Variants in CKAP5 observed in about 807,000 individuals in gnomAD.
The protein encoded by CKAP5 is cytoskeleton-associated protein 5.
In CKAP5, 27 loss-of-function variants were observed where a neutral mutation model predicts 232.8. The ratio of observed to expected loss-of-function variants is 0.12; its 90% CI spans 0.09 to 0.16. CKAP5 has a LOEUF of 0.16. Among genes scored for constraint, CKAP5 ranks in the 10% least tolerant of loss-of-function variants. The pLI is 1.00. For synonymous variants in CKAP5, 785 were observed against 841.1 expected, an observed-to-expected ratio of 0.93 and a Z score of 1.16; for missense variants, 1,838 against 2,424.7, an observed-to-expected ratio of 0.76 and a Z score of 5.08.
At position 46,778,559 on chromosome 11, in the gene CKAP5, G is replaced by A; in HGVS notation, c.2474C>T (p.Ser825Phe). ...QSPPAPTRGISKHSTSGTDEG... is the reference protein window; with the variant it reads ...QSPPAPTRGIFKHSTSGTDEG... ...ATCTGTACCACTTGTGCTATGCTTG[G>A]AAATTCCTCTGGTTGGAGCAGGTGG... is the stretch of plus-strand genomic sequence containing the variant. The change falls in exon 21 of 44, where the codon TCC becomes TTC. Residue 825 changes from serine (S) to phenylalanine (F), a missense_variant. By Grantham distance (155) the Ser-to-Phe change is radical. Coordinates refer to ENST00000529230, the MANE Select transcript of CKAP5 (RefSeq NM_001008938.4). 1 of 1,613,896 alleles carries A rather than the reference G, an allele frequency of 6.2e-7. No homozygotes were observed. The highest frequency in any genetic ancestry group is 8.5e-7 in the Non-Finnish European group (1 of 1,179,918).
chr11:46,814,836 C>T (rs1392299400), intron 4 of CKAP5, among the ~76,000 whole-genome samples: 1 of 152,194 alleles, frequency 6.6e-6, no homozygotes, highest in African/African-American at 2.4e-5. Flanking sequence ...ATAGCATTTG[C>T]TTCTACTTTA....
rs2065282640 is a variant in CKAP5, at chr11:46,775,460, A to T, written c.2991+795T>A. Among the ~76,000 whole-genome samples the T allele has an allele frequency of 2.0e-5, 3 of 152,236 alleles. No homozygotes were observed. In the South Asian group the frequency reaches 6.2e-4, roughly 31 times the overall value. ...ACTAGAAATACCATTTGACCCAGCA[A>T]TCCCATTACTGGGTAATACCCAAAA... On this transcript the variant is annotated intron_variant, in intron 24 of 43. Transcript: ENST00000529230.
chr11:46,784,821 A>G, intron 16 of CKAP5, 148 bp from the exon 17 acceptor site: 1 of 546,536 alleles, frequency 1.8e-6, no homozygotes, highest in Non-Finnish European at 3.1e-6. Context: ...CAAATATGCA[A>G]AATAATTTGT....
At chr11:46,829,700 T>C (rs1424685690) in intron 1 of CKAP5, among the ~76,000 whole-genome samples, 1 of 152,314 alleles carries the variant, frequency 6.6e-6, no homozygotes, top group South Asian at 2.1e-4. Flanking sequence ...TCTAAAATTA[T>C]ATGTGAAGTT....
At chr11:46,834,984 T>C (rs1306675346) in intron 1 of CKAP5, among the ~76,000 whole-genome samples, 5 of 151,880 alleles carry the variant, frequency 3.3e-5, no homozygotes, top group East Asian at 1.9e-4. Flanking sequence ...TTTTTTTTTT[T>C]TCCTAGATAT....
In CKAP5 at chr11:46,752,479, AATTT is replaced by A. The variant is rs1225263722; in HGVS notation, c.5133+152_5133+155del. Among the ~76,000 whole-genome samples, 6 of 151,688 alleles carry A rather than the reference AATTT, an allele frequency of 4.0e-5. No individual in the cohort carries two copies. In the South Asian group the frequency reaches 1.2e-3, roughly 32 times the overall value. On this transcript the variant is annotated intron_variant, in intron 38 of 43. Transcript: ENST00000529230. Reference sequence around the variant, plus strand: ...CACTGCACCTGGCTAAATTTTTAAAAATTTATTAATATTTTTATTACGAAAAATA... The same window carrying A: ...CACTGCACCTGGCTAAATTTTTAAAAATTAATATTTTTATTACGAAAAATA...
chr11:46,793,756 C>G (rs893181834), intron 13 of CKAP5, among the ~76,000 whole-genome samples: 1 of 152,136 alleles, frequency 6.6e-6, no homozygotes, highest in African/African-American at 2.4e-5. Context: ...AACCCCATCT[C>G]TACTAAAAAT....
At chr11:46,837,673 G>GCA (rs151010655) in intron 1 of CKAP5, among the ~76,000 whole-genome samples, 8 of 151,332 alleles carry the variant, frequency 5.3e-5, no homozygotes, top group South Asian at 2.1e-4. Context: ...ACAAATACGC[G>GCA]CACACACACA....
chr11:46,782,673 T>C (rs1002224119), intron 18 of CKAP5, among the ~76,000 whole-genome samples: 21 of 152,244 alleles, frequency 1.4e-4, no homozygotes, highest in Non-Finnish European at 2.9e-4. Flanking sequence ...CTAACTATGA[T>C]GGGCCCAAAT....
chr11:46,834,519 C>CA (rs35792132), intron 1 of CKAP5, among the ~76,000 whole-genome samples: 2,476 of 52,782 alleles, frequency 0.047, 60 homozygotes, highest in Admixed American at 0.068. Flanking sequence ...AACTCCATCT[C>CA]AAAAAAAAAA....
intron 37 of CKAP5, 142 bp from the exon 38 acceptor site, chr11:46,752,852 G>A: frequency 1.7e-6 from 1 of 592,032 alleles, no homozygotes; most frequent in Non-Finnish European, 3.0e-6. Flanking sequence ...TGGACTACCT[G>A]ACATTCAGTT....
chr11:46,809,386 T>C lies in CKAP5; in HGVS notation c.864+14A>G, dbSNP rs778364654. On this transcript the variant is annotated intron_variant, in intron 7 of 43. Coordinates refer to ENST00000529230, the MANE Select transcript of CKAP5 (RefSeq NM_001008938.4). ...TTACAAGAAATAAATGAAAGAAGTT[T>C]AACTATTACTTACAATTTTGTCATA... The C allele has an allele frequency of 8.2e-6, 12 of 1,461,868 alleles. No homozygotes were observed. The highest frequency in any genetic ancestry group is 1.2e-5 in the South Asian group (1 of 85,358). 90.6% of individuals were successfully genotyped at this position (1,461,868 alleles called of 1,614,324 possible). A position where few individuals can be genotyped will look rare whatever the true frequency, so the allele number is the denominator to read the frequency against.
intron 8 of CKAP5, 79 bp downstream of exon 8, chr11:46,807,952 T>C (rs1250698972): frequency 1.1e-6 from 1 of 932,166 alleles, no homozygotes; most frequent in East Asian, 2.4e-5. Flanking sequence ...AATGTATGTG[T>C]AATTAAAAAG....
intron 7 of CKAP5, 149 bp from the exon 8 acceptor site, chr11:46,808,293 G>A: frequency 1.9e-6 from 1 of 536,868 alleles, no homozygotes; most frequent in Non-Finnish European, 3.3e-6. Flanking sequence ...TGTAATCCCA[G>A]CACTTTGGGA....
chr11:46,758,945 G>A lies in CKAP5; in HGVS notation c.4667C>T (p.Thr1556Ile). ...ISQVASGDIN[T>I]SIQALTQIDE... ...TACCTGTGTCAGAGCTTGGATACTT[G>A]TGTTGATGTCACCACTGGCTACTTG... is the stretch of plus-strand genomic sequence containing the variant. Residue 1556 changes from threonine to isoleucine, a missense_variant, in exon 35 of 44, where the codon ACA becomes ATA. Thr to Ile is a moderately conservative substitution (Grantham distance 89, BLOSUM62 -1). This residue lies in a region of CKAP5 where 579 missense variants were observed against 843.2 expected (regional missense o/e 0.69). Transcript: ENST00000529230. 2 of 1,613,884 alleles carry A rather than the reference G, an allele frequency of 1.2e-6. No individual in the cohort carries two copies. Among genetic ancestry groups the A allele is most frequent in the African/African-American group, 1.3e-5 (1 of 74,950 alleles).
chr11:46,758,963 G>C lies in CKAP5; in HGVS notation c.4649C>G (p.Ala1550Gly), dbSNP rs529009355. 6.2e-7 allele frequency: 1 copy of C among 1,613,708 alleles called. No homozygotes were observed. The highest frequency in any genetic ancestry group is 2.2e-5 in the East Asian group (1 of 44,868). ...STINFIISQV[A>G]SGDINTSIQA... is the part of the protein sequence containing the mutation. ...GATACTTGTGTTGATGTCACCACTG[G>C]CTACTTGGGAGATAATGAAATTGAT... Residue 1550 changes from alanine to glycine, a missense_variant, in exon 35 of 44, where the codon GCC becomes GGC. Ala to Gly is a moderately conservative substitution (Grantham distance 60). Around this residue, in one of 6 missense-constraint regions of CKAP5, gnomAD observed 579 missense variants for 843.2 expected, o/e 0.69. Coordinates refer to ENST00000529230, the MANE Select transcript of CKAP5 (RefSeq NM_001008938.4).
chr11:46,788,791 GA>G lies in CKAP5; in HGVS notation c.1876-19del, dbSNP rs1301692172. Reference sequence around the variant, plus strand: ...TCAACAGCCTTGAAGTAAAATAAGAGAATAAGAGTTTAAGGGTTAAAGGTTA... The same window carrying G: ...TCAACAGCCTTGAAGTAAAATAAGAGATAAGAGTTTAAGGGTTAAAGGTTA... On this transcript the variant is annotated intron_variant, in intron 15 of 43. Coordinates refer to ENST00000529230, the MANE Select transcript of CKAP5 (RefSeq NM_001008938.4). 6.4e-7 allele frequency: 1 copy of G among 1,558,960 alleles called. No homozygotes were observed. The highest frequency in any genetic ancestry group is 1.8e-5 in the Admixed American group (1 of 55,580).
intron 31 of CKAP5, 88 bp from the exon 32 acceptor site, chr11:46,762,281 A>T (rs1165427730): frequency 1.5e-6 from 2 of 1,355,600 alleles, no homozygotes; most frequent in African/African-American, 2.9e-5. Context: ...CTTGGCATAT[A>T]TGAAGGACTA....
In CKAP5 at chr11:46,801,344, C is replaced by T. The variant is rs776795637; in HGVS notation, c.979-40G>A. 6 of 1,435,438 alleles carry T rather than the reference C, an allele frequency of 4.2e-6. 1 individual carries two copies. The South Asian group carries it at 6.9e-5, about 16-fold the overall frequency. 88.9% of individuals were successfully genotyped at this position (1,435,438 alleles called of 1,614,324 possible). On this transcript the variant is annotated intron_variant, in intron 8 of 43. Coordinates refer to ENST00000529230, the MANE Select transcript of CKAP5 (RefSeq NM_001008938.4). ...AAAAAGGAAAACAAAATAGTCACAG[C>T]CATGTAGAAGGGTATTGAAATTTTA... is the stretch of plus-strand genomic sequence containing the variant.
Sources: allele counts gnomAD v4.1 joint callset (sites outside exome capture counted in the v4.1 genomes callset), GRCh38; gene constraint gnomAD v4.1.1; regional missense constraint gnomAD v4.1.1; transcripts MANE v1.5; gene names NCBI Gene and HGNC (gene_info 2026-07-23, HGNC 2026-07-21).